Variants in KCND3 observed in about 807,000 individuals in gnomAD.
The protein encoded by KCND3 is potassium voltage-gated channel subfamily D member 3, also known as A-type voltage-gated potassium channel KCND3.
Under a neutral mutation model 51.1 loss-of-function variants are expected in KCND3, and 9 were observed. The observed-to-expected ratio is 0.18, with a 90% CI of 0.11 to 0.31. The LOEUF (loss-of-function observed/expected upper bound fraction) is 0.31, where lower values mean the gene tolerates loss of function less well. KCND3 is among the 10% of genes least tolerant of loss of function. The pLI is 1.00. For missense variants in KCND3, 526 were observed against 903.8 expected (o/e 0.58, Z 5.36); for synonymous variants, 349 against 368.0 (o/e 0.95, Z 0.59).
chr1:111,811,631 C>G (rs879716245), intron 2 of KCND3, among the ~76,000 whole-genome samples: 1 of 152,270 alleles, frequency 6.6e-6, no homozygotes, highest in African/African-American at 2.4e-5. Flanking sequence ...ATGCGCTCTT[C>G]GGATCGTCCA....
At chr1:111,898,030 C>T (rs974776538) in intron 2 of KCND3, among the ~76,000 whole-genome samples, 1 of 152,132 alleles carries the variant, frequency 6.6e-6, no homozygotes, top group Admixed American at 6.5e-5. Context: ...CAAGAGCACC[C>T]CACAAAACTG....
At chr1:111,882,408 T>C (rs1669375222) in intron 2 of KCND3, among the ~76,000 whole-genome samples, 1 of 152,230 alleles carries the variant, frequency 6.6e-6, no homozygotes, top group African/African-American at 2.4e-5. Context: ...GATGACCTGC[T>C]GCTGGTCTTC....
intron 5 of KCND3, 24 bp from the exon 6 acceptor site, chr1:111,778,516 A>G (rs755091908): frequency 6.2e-7 from 1 of 1,607,814 alleles, no homozygotes; most frequent in Non-Finnish European, 8.5e-7. Context: ...TGCCAACAGA[A>G]GATAAAAACA....
At chr1:111,800,084 C>T (rs1482059682) in intron 2 of KCND3, among the ~76,000 whole-genome samples, 2 of 148,420 alleles carry the variant, frequency 1.3e-5, no homozygotes, top group Admixed American at 6.7e-5. Context: ...ATAATGGCGG[C>T]TTTGTGGAAT....
intron 2 of KCND3, among the ~76,000 whole-genome samples, chr1:111,808,785 G>T (rs1016702448): frequency 6.6e-6 from 1 of 152,216 alleles, no homozygotes; most frequent in African/African-American, 2.4e-5. Flanking sequence ...TCCAAGAGGA[G>T]ACTGCCAACT....
intron 2 of KCND3, among the ~76,000 whole-genome samples, chr1:111,855,287 G>A (rs1020608787): frequency 1.3e-5 from 2 of 152,326 alleles, no homozygotes; most frequent in African/African-American, 2.4e-5. Context: ...TCCCCTCATG[G>A]GGACAAGCCT....
chr1:111,963,008 C>T (rs1673750254), intron 2 of KCND3, among the ~76,000 whole-genome samples: 1 of 152,164 alleles, frequency 6.6e-6, no homozygotes, highest in Non-Finnish European at 1.5e-5. Flanking sequence ...TGTGAGACAA[C>T]AGCCATGTCA....
intron 3 of KCND3, among the ~76,000 whole-genome samples, chr1:111,786,143 T>C (rs1664595682): frequency 1.3e-5 from 2 of 152,296 alleles, no homozygotes; most frequent in African/African-American, 4.8e-5. Context: ...AGAGGAAACC[T>C]GGGGAAAGTC....
At chr1:111,896,097 C>A (rs188825316) in intron 2 of KCND3, among the ~76,000 whole-genome samples, 1 of 152,198 alleles carries the variant, frequency 6.6e-6, no homozygotes, top group African/African-American at 2.4e-5. Flanking sequence ...TCATAACAGC[C>A]CCGGGAGGCA....
At chr1:111,808,230 T>TA (rs578170397) in intron 2 of KCND3, among the ~76,000 whole-genome samples, 164 of 152,136 alleles carry the variant, frequency 1.1e-3, no homozygotes, top group Non-Finnish European at 1.8e-3. Context: ...TTTCAAGTCT[T>TA]AAAAAAAACA....
intron 2 of KCND3, among the ~76,000 whole-genome samples, chr1:111,963,475 G>A (rs1298848957): frequency 2.0e-5 from 3 of 152,334 alleles, no homozygotes; most frequent in Admixed American, 1.3e-4. Flanking sequence ...CCTGTAAAGT[G>A]GGGATGATAG....
chr1:111,968,516 T>G (rs1254907494), intron 2 of KCND3, among the ~76,000 whole-genome samples: 4 of 152,218 alleles, frequency 2.6e-5, no homozygotes, highest in African/African-American at 9.6e-5. Flanking sequence ...GAAAGATCCA[T>G]ACCTGGTGAC....
At chr1:111,852,002 C>T (rs1314447074) in intron 2 of KCND3, among the ~76,000 whole-genome samples, 1 of 152,246 alleles carries the variant, frequency 6.6e-6, no homozygotes, top group Non-Finnish European at 1.5e-5. Context: ...TCAATCTCTA[C>T]AGCTGCCACT....
chr1:111,944,836 T>G (rs192768060), intron 2 of KCND3, among the ~76,000 whole-genome samples: 1 of 152,322 alleles, frequency 6.6e-6, no homozygotes, highest in East Asian at 1.9e-4. Flanking sequence ...GCCATTACCA[T>G]TACCGGAGGC....
chr1:111,877,936 C>CATTCA (rs1232802258), intron 2 of KCND3, among the ~76,000 whole-genome samples: 2 of 152,190 alleles, frequency 1.3e-5, no homozygotes, highest in Non-Finnish European at 2.9e-5. Flanking sequence ...CGGGGCCCTA[C>CATTCA]TATGTGCAAT....
chr1:111,884,942 G>A (rs772282290), intron 2 of KCND3, among the ~76,000 whole-genome samples: 1 of 152,146 alleles, frequency 6.6e-6, no homozygotes, highest in Non-Finnish European at 1.5e-5. Context: ...ATTGTGAAAT[G>A]TTCAGCAGCA....
intron 2 of KCND3, among the ~76,000 whole-genome samples, chr1:111,904,110 G>A (rs1267418915): frequency 1.5e-5 from 1 of 66,032 alleles, no homozygotes; most frequent in South Asian, 4.7e-4. Flanking sequence ...TTTTTTTTTT[G>A]TCCATTAACC....
chr1:111,797,263 G>A (rs1017156810), intron 2 of KCND3, among the ~76,000 whole-genome samples: 6 of 152,268 alleles, frequency 3.9e-5, no homozygotes, highest in African/African-American at 1.2e-4. Flanking sequence ...GCATGTCAGC[G>A]GAAAGGGGTC....
chr1:111,910,452 A>T (rs934852452), intron 2 of KCND3: 1 of 152,260 alleles, frequency 6.6e-6, no homozygotes, highest in African/African-American at 2.4e-5. Flanking sequence ...TGGGCAGCTG[A>T]GGTCACCTGG....
Sources: gnomAD v4.1 joint callset for allele counts (sites outside exome capture counted in the v4.1 genomes callset) on GRCh38, gnomAD v4.1.1 for gene constraint, MANE v1.5 for transcripts, NCBI Gene and HGNC (gene_info 2026-07-23, HGNC 2026-07-21) for gene names.